Variants in SPAG16 observed in about 807,000 individuals in gnomAD.
SPAG16 encodes sperm associated antigen 16.
In SPAG16, 86 loss-of-function variants were observed where a neutral mutation model predicts 80.4. The ratio of observed to expected loss-of-function variants is 1.07; its 90% CI spans 0.90 to 1.28. The LOEUF is 1.28. Ranked by LOEUF, SPAG16 falls within the 50% of genes most tolerant of loss-of-function variation. The probability of loss-of-function intolerance (pLI) is 0.00; values close to 1 mark genes in which losing one functional copy is unlikely to be tolerated. For synonymous variants in SPAG16, 294 were observed against 265.9 expected (o/e 1.11, Z -1.03); for missense variants, 870 against 765.3 (o/e 1.14, Z -1.61).
chr2:213,615,400 G>A (rs1327556742), intron 10 of SPAG16, among the ~76,000 whole-genome samples: 1 of 152,192 alleles, frequency 6.6e-6, no homozygotes, highest in African/African-American at 2.4e-5. Context: ...AGACCAGCCT[G>A]GCCAAGATGG....
At chr2:214,255,136 A>T (rs1410299160) in intron 15 of SPAG16, among the ~76,000 whole-genome samples, 1 of 152,074 alleles carries the variant, frequency 6.6e-6, no homozygotes, top group Non-Finnish European at 1.5e-5. Flanking sequence ...TATCAAAGTT[A>T]CTAGCATAAA....
At chr2:214,242,861 C>T (rs1285939092) in intron 15 of SPAG16, among the ~76,000 whole-genome samples, 1 of 152,112 alleles carries the variant, frequency 6.6e-6, no homozygotes, top group African/African-American at 2.4e-5. Flanking sequence ...GATCTATTAA[C>T]TATCACTTGG....
chr2:213,361,636 G>T (rs1487856546), intron 7 of SPAG16, among the ~76,000 whole-genome samples: 1 of 150,630 alleles, frequency 6.6e-6, no homozygotes, highest in African/African-American at 2.4e-5. Flanking sequence ...GTGCTAGAAA[G>T]GAAGGAAATG....
At chr2:213,674,617 G>A (rs1397682622) in intron 10 of SPAG16, among the ~76,000 whole-genome samples, 1 of 148,952 alleles carries the variant, frequency 6.7e-6, no homozygotes, top group Non-Finnish European at 1.5e-5. Flanking sequence ...TCCCACCTAT[G>A]AGTGAGAATA....
At chr2:213,522,422 A>AG (rs2075712279) in intron 10 of SPAG16, among the ~76,000 whole-genome samples, 1 of 152,186 alleles carries the variant, frequency 6.6e-6, no homozygotes, top group Non-Finnish European at 1.5e-5. Context: ...CTATTTAAAA[A>AG]GGGGGGTGGG....
At chr2:213,908,541 A>G (rs2077521019) in intron 11 of SPAG16, among the ~76,000 whole-genome samples, 1 of 152,144 alleles carries the variant, frequency 6.6e-6, no homozygotes. Context: ...GGCAGTGGCT[A>G]TTCTTTCCTT....
rs143442843 is a variant in SPAG16 at position 214,199,369 on chromosome 2, C to T, written c.1720+50103C>T. ...ATTTATTGAACAGGGTGTCCTTTCC[C>T]CAATTTGTGTTTTTGTTTGCTTTGT... On this transcript the variant is annotated intron_variant, in intron 15 of 15. Coordinates refer to ENST00000331683, the MANE Select transcript of SPAG16 (RefSeq NM_024532.5). 7.2e-5 allele frequency among the ~76,000 whole-genome samples: 11 copies of T among 152,156 alleles called. No homozygotes were observed. In the East Asian group the frequency reaches 1.9e-3, roughly 27 times the overall value.
chr2:214,056,965 A>G (rs1201063318), intron 13 of SPAG16, among the ~76,000 whole-genome samples: 2 of 152,176 alleles, frequency 1.3e-5, no homozygotes, highest in East Asian at 3.9e-4. Flanking sequence ...AAATTTTATC[A>G]TGAGCTTATA....
At chr2:213,533,691 T>C (rs1162425628) in intron 10 of SPAG16, among the ~76,000 whole-genome samples, 2 of 152,192 alleles carry the variant, frequency 1.3e-5, no homozygotes, top group Non-Finnish European at 2.9e-5. Context: ...AATATAAATG[T>C]AATCTGTGTT....
intron 13 of SPAG16, among the ~76,000 whole-genome samples, chr2:214,017,585 G>T (rs1284860239): frequency 6.6e-6 from 1 of 152,082 alleles, no homozygotes; most frequent in Non-Finnish European, 1.5e-5. Flanking sequence ...ATATATATCT[G>T]CCTTGAATGC....
At chr2:214,147,273 A>C (rs1436402550) in intron 14 of SPAG16, among the ~76,000 whole-genome samples, 1 of 152,202 alleles carries the variant, frequency 6.6e-6, no homozygotes, top group Non-Finnish European at 1.5e-5. Flanking sequence ...TAAATGTAAA[A>C]ATATTAAAAC....
intron 15 of SPAG16, among the ~76,000 whole-genome samples, chr2:214,264,228 C>G (rs1691381456): frequency 6.6e-6 from 1 of 152,068 alleles, no homozygotes; most frequent in South Asian, 2.1e-4. Flanking sequence ...CTATATAAGA[C>G]CAAGAATATT....
intron 13 of SPAG16, among the ~76,000 whole-genome samples, chr2:214,020,929 T>C (rs2055867): frequency 0.13 from 20,519 of 152,200 alleles, 1,921 homozygotes; most frequent in East Asian, 0.27. Flanking sequence ...AAATATGTGT[T>C]ATCAAATGTT....
chr2:213,443,281 G>T (rs951551659), intron 9 of SPAG16, among the ~76,000 whole-genome samples: 2 of 152,046 alleles, frequency 1.3e-5, no homozygotes, highest in African/African-American at 4.8e-5. Flanking sequence ...ATATGTTTGA[G>T]CCCTTTGACC....
chr2:214,023,000 T>C (rs1212347001), intron 13 of SPAG16, among the ~76,000 whole-genome samples: 1 of 152,024 alleles, frequency 6.6e-6, no homozygotes, highest in East Asian at 1.9e-4. Flanking sequence ...TCATTAGACA[T>C]TTCAAGTTAT....
At chr2:214,011,647 A>G (rs558424445) in intron 12 of SPAG16, among the ~76,000 whole-genome samples, 1 of 152,318 alleles carries the variant, frequency 6.6e-6, no homozygotes, top group South Asian at 2.1e-4. Flanking sequence ...CCCCTGGTAT[A>G]CACATCATCA....
chr2:213,342,020 T>G (rs903841780), intron 6 of SPAG16, among the ~76,000 whole-genome samples: 2 of 152,156 alleles, frequency 1.3e-5, no homozygotes, highest in Non-Finnish European at 2.9e-5. Flanking sequence ...CCTTGTTATA[T>G]TCCAGTGAAA....
intron 14 of SPAG16, among the ~76,000 whole-genome samples, chr2:214,134,900 C>A (rs1044080220): frequency 6.6e-6 from 1 of 152,114 alleles, no homozygotes; most frequent in African/African-American, 2.4e-5. Context: ...CACCACATTC[C>A]CCATGGAGTA....
At chr2:213,450,810 G>A (rs1388772416) in intron 9 of SPAG16, among the ~76,000 whole-genome samples, 1 of 152,110 alleles carries the variant, frequency 6.6e-6, no homozygotes, top group Non-Finnish European at 1.5e-5. Flanking sequence ...GAACTAGAAT[G>A]CTTTCATTTT....
Sources: allele counts gnomAD v4.1 joint callset (sites outside exome capture counted in the v4.1 genomes callset), GRCh38; gene constraint gnomAD v4.1.1; transcripts MANE v1.5; gene names NCBI Gene and HGNC (gene_info 2026-07-23, HGNC 2026-07-21).